AGBL4: variants seen among roughly 807,000 people sequenced by gnomAD.
The protein encoded by AGBL4 is cytosolic carboxypeptidase 6.
A neutral mutation model predicts 66.4 loss-of-function variants in AGBL4; 58 were observed. That is an observed-to-expected ratio of 0.87 (90% CI 0.71 to 1.09). The LOEUF (loss-of-function observed/expected upper bound fraction) is 1.09. AGBL4 is among the 50% of genes least tolerant of loss of function. The pLI is 0.00. For synonymous variants in AGBL4, 234 were observed against 222.9 expected (o/e 1.05, Z -0.44); for missense variants, 579 against 631.0 (o/e 0.92, Z 0.88).
At chr1:49,671,511 G>C (rs1459892073) in intron 3 of AGBL4, among the ~76,000 whole-genome samples, 1 of 152,172 alleles carries the variant, frequency 6.6e-6, no homozygotes, top group Non-Finnish European at 1.5e-5. Context: ...AAGAGCTTCT[G>C]TACAGCAAAA....
intron 7 of AGBL4, among the ~76,000 whole-genome samples, chr1:48,662,889 A>G (rs1396207231): frequency 2.0e-5 from 3 of 152,204 alleles, no homozygotes; most frequent in Non-Finnish European, 4.4e-5. Flanking sequence ...ACCACAGCAC[A>G]TATGAGATAA....
intron 2 of AGBL4, among the ~76,000 whole-genome samples, chr1:49,789,155 G>A (rs944577904): frequency 1.3e-5 from 2 of 152,248 alleles, no homozygotes; most frequent in Non-Finnish European, 2.9e-5. Flanking sequence ...ATTGATTTGA[G>A]TATGTTGAAC....
At chr1:49,910,638 C>A in intron 1 of AGBL4, among the ~76,000 whole-genome samples, 1 of 149,260 alleles carries the variant, frequency 6.7e-6, no homozygotes, top group African/African-American at 2.5e-5. Flanking sequence ...CTGGAAGTGA[C>A]AATGAGATGA....
chr1:49,824,295 A>T (rs1347600713), intron 2 of AGBL4, among the ~76,000 whole-genome samples: 1 of 152,190 alleles, frequency 6.6e-6, no homozygotes, highest in Non-Finnish European at 1.5e-5. Context: ...AAATAAAGAT[A>T]TACAGAGAAG....
Position 49,515,277 on chromosome 1 carries a change from G to A in AGBL4, c.282+182036C>T, listed in dbSNP as rs529186861. On this transcript the variant is annotated intron_variant, in intron 3 of 13. Transcript: ENST00000371839. The stretch of plus-strand genomic sequence containing the variant: ...GAAGATATTTATGCAGCCAAAAGAC[G>A]CATGAAAAAATGCTCATCATCACTG... Among the ~76,000 whole-genome samples, 53 of 151,972 alleles carry A rather than the reference G, an allele frequency of 3.5e-4. 1 individual carries two copies. The highest frequency in any genetic ancestry group is 4.0e-4 in the Non-Finnish European group (27 of 67,916).
chr1:49,694,984 A>G (rs1646957520), intron 3 of AGBL4, among the ~76,000 whole-genome samples: 1 of 152,166 alleles, frequency 6.6e-6, no homozygotes, highest in African/African-American at 2.4e-5. Context: ...TTAAAGAAAC[A>G]GTATAATTTC....
At chr1:49,365,008 G>T (rs980614367) in intron 3 of AGBL4, among the ~76,000 whole-genome samples, 1 of 152,056 alleles carries the variant, frequency 6.6e-6, no homozygotes, top group African/African-American at 2.4e-5. Flanking sequence ...ATATATAAAC[G>T]ATAAGTATAA....
intron 2 of AGBL4, among the ~76,000 whole-genome samples, chr1:49,850,193 A>AT (rs960997521): frequency 1.3e-5 from 2 of 152,192 alleles, no homozygotes; most frequent in African/African-American, 4.8e-5. Flanking sequence ...TGTGACTGAC[A>AT]TTTTTGTAAA....
chr1:49,901,759 G>C (rs1338950242), intron 1 of AGBL4, among the ~76,000 whole-genome samples: 1 of 152,096 alleles, frequency 6.6e-6, no homozygotes, highest in East Asian at 1.9e-4. Context: ...GAACAAAGCT[G>C]GAGGCATCAC....
chr1:48,531,592 T>C (rs1259694810), downstream of AGBL4, among the ~76,000 whole-genome samples: 1 of 152,170 alleles, frequency 6.6e-6, no homozygotes, highest in Non-Finnish European at 1.5e-5. Context: ...CAGAAATCTG[T>C]CTTACTGAGA....
In AGBL4 at chr1:49,534,143, C is replaced by G. The variant is rs567234531; in HGVS notation, c.282+163170G>C. ...AGCTCATTAAATCCTCACAAAAGCC[C>G]CATGAAGCAGGGATCAACACCATTT... is the stretch of plus-strand genomic sequence containing the variant. On this transcript the variant is annotated intron_variant, in intron 3 of 13. Transcript: ENST00000371839. Among the ~76,000 whole-genome samples, 15 of 133,534 alleles carry G rather than the reference C, an allele frequency of 1.1e-4. No individual in the cohort carries two copies. In the Admixed American group the frequency reaches 1.3e-3, roughly 11 times the overall value. The allele number at this position is 133,534 out of a possible 152,430, so 87.6% of individuals were successfully genotyped here. A position where few individuals can be genotyped will look rare whatever the true frequency, so the allele number is the denominator to read the frequency against.
chr1:49,175,175 T>G (rs867032691), intron 4 of AGBL4: 21 of 151,912 alleles, frequency 1.4e-4, no homozygotes, highest in African/African-American at 5.1e-4. Flanking sequence ...GAAGGTAAGG[T>G]AGTTAAAGGT....
intron 2 of AGBL4, among the ~76,000 whole-genome samples, chr1:49,743,236 G>C (rs1192489919): frequency 6.6e-6 from 1 of 151,996 alleles, no homozygotes; most frequent in Non-Finnish European, 1.5e-5. Flanking sequence ...ACAAAAACTG[G>C]GCAAAGGATA....
chr1:49,860,903 A>G (rs570167006), intron 1 of AGBL4, among the ~76,000 whole-genome samples: 17 of 152,292 alleles, frequency 1.1e-4, no homozygotes, highest in Admixed American at 5.2e-4. Context: ...GAGGCACTGA[A>G]GAGATCACAA....
chr1:49,838,855 ACT>A (rs1227876539), intron 2 of AGBL4, among the ~76,000 whole-genome samples: 2 of 152,128 alleles, frequency 1.3e-5, no homozygotes, highest in Non-Finnish European at 2.9e-5. Context: ...TTTAAAAAAA[ACT>A]CAACCATATT....
At chr1:49,824,277 G>T (rs1183900561) in intron 2 of AGBL4, among the ~76,000 whole-genome samples, 1 of 152,140 alleles carries the variant, frequency 6.6e-6, no homozygotes, top group Admixed American at 6.5e-5. Context: ...AGGAGGAACT[G>T]AGAGTCAAAA....
At chr1:49,592,274 C>CA (rs200744517) in intron 3 of AGBL4, among the ~76,000 whole-genome samples, 2,726 of 152,060 alleles carry the variant, frequency 0.018, 47 homozygotes, top group Non-Finnish European at 0.027. Flanking sequence ...AAAAAATAGG[C>CA]AAAAAACATG....
intron 4 of AGBL4, among the ~76,000 whole-genome samples, chr1:49,222,149 C>A (rs1008044931): frequency 6.6e-6 from 1 of 151,922 alleles, no homozygotes; most frequent in Non-Finnish European, 1.5e-5. Flanking sequence ...ATAAGCAATC[C>A]CTGATACAAT....
At position 49,458,150 on chromosome 1, in the gene AGBL4, C is replaced by T. The variant is rs113814073; in HGVS notation, c.283-212286G>A. 3.9e-3 allele frequency among the ~76,000 whole-genome samples: 589 copies of T among 151,920 alleles called. 6 individuals are homozygous for T. Among genetic ancestry groups the T allele is most frequent in the Non-Finnish European group, 6.4e-3 (433 of 67,898 alleles). ...TGTAGATTGCTTTTGGCAGTATGGT[C>T]TCTTTCACAATATTGATTGTACCCA... On this transcript the variant is annotated intron_variant, in intron 3 of 13. Transcript: ENST00000371839.
Sources: allele counts gnomAD v4.1 joint callset (sites outside exome capture counted in the v4.1 genomes callset), GRCh38; gene constraint gnomAD v4.1.1; transcripts MANE v1.5; gene names NCBI Gene and HGNC (gene_info 2026-07-23, HGNC 2026-07-21).